TBC1D32: variants seen among roughly 807,000 people sequenced by gnomAD.
The protein encoded by TBC1D32 is protein broad-minded.
A neutral mutation model predicts 170.3 loss-of-function variants in TBC1D32; 151 were observed. That is an observed-to-expected ratio of 0.89 (90% CI 0.78 to 1.01). The LOEUF is 1.01. Among genes scored for constraint, TBC1D32 ranks in the 50% least tolerant of loss-of-function variants. The probability of loss-of-function intolerance (pLI) is 0.00; values close to 1 mark genes in which losing one functional copy is unlikely to be tolerated. For synonymous variants in TBC1D32, 498 were observed against 488.0 expected (o/e 1.02, Z -0.27); for missense variants, 1,464 against 1,457.1 (o/e 1.00, Z -0.08).
intron 1 of TBC1D32, among the ~76,000 whole-genome samples, chr6:121,323,291 T>G (rs1444870262): frequency 1.6e-5 from 2 of 122,412 alleles, no homozygotes; most frequent in Non-Finnish European, 3.9e-5. Context: ...GCCTTCTTGT[T>G]TAACTTCTCA....
Position 121,256,244 on chromosome 6 carries a change from A to T in TBC1D32, c.1775T>A (p.Leu592His), listed in dbSNP as rs1410766577. ...AAATATAGAAATATCTTCATCGAGA[A>T]GTTTTTTCGAAAACTGGGCAATTAT... is the stretch of plus-strand genomic sequence containing the variant. ...AHIIAQFSKK[L>H]LDEDISIFSG... Residue 592 changes from leucine (L) to histidine (H), a missense_variant, in exon 16 of 32, where the codon CTT becomes CAT. Coordinates refer to ENST00000398212, the MANE Select transcript of TBC1D32 (RefSeq NM_152730.6). 3 of 1,613,586 alleles carry T rather than the reference A, an allele frequency of 1.9e-6. No homozygotes were observed. In the Admixed American group the frequency reaches 5.0e-5, roughly 27 times the overall value.
intron 25 of TBC1D32, among the ~76,000 whole-genome samples, chr6:121,131,315 T>TA (rs1331552115): frequency 1.3e-5 from 2 of 150,772 alleles, no homozygotes. Flanking sequence ...ATAAAATTTC[T>TA]AAAAAATATA....
chr6:121,239,493 T>C (rs965049515), intron 19 of TBC1D32, among the ~76,000 whole-genome samples: 1 of 152,148 alleles, frequency 6.6e-6, no homozygotes, highest in African/African-American at 2.4e-5. Flanking sequence ...GAGCATGTTT[T>C]CTGAAACATA....
At chr6:121,312,382 TA>T (rs1808340917) in intron 3 of TBC1D32, among the ~76,000 whole-genome samples, 3 of 152,280 alleles carry the variant, frequency 2.0e-5, no homozygotes, top group East Asian at 1.9e-4. Flanking sequence ...ACATTAAGAA[TA>T]AAAAAAGTCT....
chr6:121,085,253 A>G (rs995311648), intron 31 of TBC1D32, among the ~76,000 whole-genome samples: 2 of 143,532 alleles, frequency 1.4e-5, no homozygotes, highest in Non-Finnish European at 3.0e-5. Context: ...ATACGTATAT[A>G]TATACACATA....
intron 22 of TBC1D32, among the ~76,000 whole-genome samples, chr6:121,188,841 T>A (rs2128283123): frequency 6.6e-6 from 1 of 152,320 alleles, no homozygotes; most frequent in South Asian, 2.1e-4. Flanking sequence ...CTTCTCTAGC[T>A]GCTCTGCCAA....
chr6:121,188,523 T>C (rs1562827182), intron 22 of TBC1D32, among the ~76,000 whole-genome samples: 1 of 152,096 alleles, frequency 6.6e-6, no homozygotes, highest in Non-Finnish European at 1.5e-5. Flanking sequence ...ATCTAAGTCC[T>C]AAGCTTCTAA....
intron 24 of TBC1D32, among the ~76,000 whole-genome samples, chr6:121,155,254 G>GGT (rs1270387548): frequency 1.3e-5 from 2 of 151,500 alleles, no homozygotes; most frequent in African/African-American, 4.8e-5. Context: ...ACTGTGTGTG[G>GGT]GTGTGTGTGT....
At chr6:121,106,423 A>T (rs1030600493) in intron 29 of TBC1D32, among the ~76,000 whole-genome samples, 4 of 151,998 alleles carry the variant, frequency 2.6e-5, no homozygotes, top group African/African-American at 7.2e-5. Context: ...ATAATTTATA[A>T]TCTTGGCAAC....
Position 121,087,891 on chromosome 6 carries a change from G to A in TBC1D32, c.3654+2962C>T, listed in dbSNP as rs1776407381. On this transcript the variant is annotated intron_variant, in intron 31 of 31. Transcript: ENST00000398212. ...TAAATATGTAGAGCGAGGGGATAATGTGATTAAATAATCTATACAAGAATA... is the reference window on the plus strand; with the variant it reads ...TAAATATGTAGAGCGAGGGGATAATATGATTAAATAATCTATACAAGAATA... 2.6e-5 allele frequency among the ~76,000 whole-genome samples: 4 copies of A among 151,216 alleles called. No homozygotes were observed. In the South Asian group the frequency reaches 8.3e-4, roughly 32 times the overall value.
chr6:121,317,707 C>T (rs757394505), intron 2 of TBC1D32, 35 bp from the exon 3 acceptor site: 21 of 1,451,396 alleles, frequency 1.4e-5, no homozygotes, highest in South Asian at 2.8e-5. Flanking sequence ...AAGAGAAAGA[C>T]GATCAGAAAT....
At chr6:121,293,429 TAAAG>T (rs1805163204) in intron 11 of TBC1D32, among the ~76,000 whole-genome samples, 1 of 152,084 alleles carries the variant, frequency 6.6e-6, no homozygotes, top group Admixed American at 6.5e-5. Flanking sequence ...TTGAGTTAGA[TAAAG>T]AAATTCACCT....
intron 1 of TBC1D32, among the ~76,000 whole-genome samples, chr6:121,328,018 C>A (rs191629389): frequency 1.5e-4 from 23 of 152,184 alleles, no homozygotes; most frequent in African/African-American, 5.5e-4. Context: ...TTTAGAATAT[C>A]CTTACAAGGT....
intron 17 of TBC1D32, among the ~76,000 whole-genome samples, chr6:121,244,776 T>C (rs1010433757): frequency 4.6e-5 from 7 of 152,204 alleles, no homozygotes; most frequent in African/African-American, 9.6e-5. Flanking sequence ...GCAGGGTCCA[T>C]TGGGAGCCAA....
chr6:121,218,803 G>C (rs890303413), intron 21 of TBC1D32, among the ~76,000 whole-genome samples: 7 of 152,240 alleles, frequency 4.6e-5, no homozygotes, highest in Non-Finnish European at 7.4e-5. Flanking sequence ...CTGTTTTCAT[G>C]ATAGTGAGTT....
intron 30 of TBC1D32, among the ~76,000 whole-genome samples, chr6:121,102,423 G>T (rs542542670): frequency 3.3e-5 from 5 of 152,216 alleles, no homozygotes; most frequent in African/African-American, 4.8e-5. Flanking sequence ...ACAGCCCTCA[G>T]AAATAATACC....
At chr6:121,160,840 T>C (rs560242390) in intron 23 of TBC1D32, 108 bp downstream of exon 23, 3 of 787,874 alleles carry the variant, frequency 3.8e-6, no homozygotes, top group East Asian at 4.9e-5. Flanking sequence ...AGTTCAACTC[T>C]GTGATGTAGA....
At chr6:121,198,648 G>C (rs897395006) in intron 22 of TBC1D32, among the ~76,000 whole-genome samples, 2 of 151,096 alleles carry the variant, frequency 1.3e-5, no homozygotes, top group African/African-American at 4.9e-5. Context: ...CTACTCGGGA[G>C]GCTGAGGCAG....
chr6:121,305,393 C>T (rs1236015460), intron 5 of TBC1D32, among the ~76,000 whole-genome samples: 1 of 151,906 alleles, frequency 6.6e-6, no homozygotes, highest in African/African-American at 2.4e-5. Flanking sequence ...TAATGCCTGG[C>T]ACTAAGAGTT....
Sources: gnomAD v4.1 joint callset for allele counts (sites outside exome capture counted in the v4.1 genomes callset) on GRCh38, gnomAD v4.1.1 for gene constraint, MANE v1.5 for transcripts, NCBI Gene and HGNC (gene_info 2026-07-23, HGNC 2026-07-21) for gene names.